Variants in PILRB observed in about 807,000 individuals in gnomAD.
The protein encoded by PILRB is paired immunoglobin like type 2 receptor beta.
PILRB carries 21 observed loss-of-function variants against 20.5 expected under a neutral mutation model. The ratio of observed to expected loss-of-function variants is 1.02; its 90% CI spans 0.72 to 1.47. The LOEUF is 1.47. PILRB is among the 40% of genes most tolerant of loss of function. The pLI, the probability that PILRB is intolerant of heterozygous loss-of-function variation, is 0.00. For missense variants in PILRB, 253 were observed against 272.1 expected, an observed-to-expected ratio of 0.93 and a Z score of 0.49; for synonymous variants, 133 against 115.1, an observed-to-expected ratio of 1.16 and a Z score of -0.99.
intron 3 of PILRB, among the ~76,000 whole-genome samples, chr7:100,361,056 C>T (rs1444686823): frequency 1.3e-5 from 2 of 152,170 alleles, no homozygotes; most frequent in Non-Finnish European, 2.9e-5. Context: ...CTGCCTCAGC[C>T]TCCTGAGTAG....
chr7:100,362,174 A>T, intron 3 of PILRB, among the ~76,000 whole-genome samples: 1 of 152,166 alleles, frequency 6.6e-6, no homozygotes. Flanking sequence ...ATAATGACCA[A>T]AGACAGAGGG....
In PILRB at chr7:100,361,971, A is replaced by T. The variant is rs550208945; in HGVS notation, c.655+2434A>T. 2.9e-3 allele frequency among the ~76,000 whole-genome samples: 435 copies of T among 152,262 alleles called. 2 individuals are homozygous for T. The highest frequency in any genetic ancestry group is 9.8e-3 in the African/African-American group (406 of 41,554). Reference sequence around the variant, plus strand: ...CTGATAAATTTAACTATATAAAAAAATTTTTGCCGGGTGCGGTGGCTCACA... The same window carrying T: ...CTGATAAATTTAACTATATAAAAAATTTTTTGCCGGGTGCGGTGGCTCACA... On this transcript the variant is annotated intron_variant, in intron 3 of 3. Coordinates refer to ENST00000609309, the MANE Select transcript of PILRB (RefSeq NM_178238.4).
chr7:100,363,923 A>G (rs1213193596), intron 3 of PILRB, among the ~76,000 whole-genome samples: 1 of 152,180 alleles, frequency 6.6e-6, no homozygotes, highest in Non-Finnish European at 1.5e-5. Flanking sequence ...AGCCTGACCA[A>G]CATGGAGAAA....
At chr7:100,362,022 T>C (rs1214035376) in intron 3 of PILRB, among the ~76,000 whole-genome samples, 1 of 151,928 alleles carries the variant, frequency 6.6e-6, no homozygotes, top group Non-Finnish European at 1.5e-5. Context: ...GAAAATCAGA[T>C]CAGGAGATCA....
At chr7:100,360,138 G>A (rs1214324170) in intron 3 of PILRB, among the ~76,000 whole-genome samples, 1 of 152,232 alleles carries the variant, frequency 6.6e-6, no homozygotes, top group African/African-American at 2.4e-5. Context: ...CTGGGGAGGG[G>A]AGGGCCTGCC....
chr7:100,367,038 A>G (rs11769057), intron 3 of PILRB, among the ~76,000 whole-genome samples: 24,293 of 151,960 alleles, frequency 0.16, 2,105 homozygotes, highest in Non-Finnish European at 0.19. Context: ...AGAAGGTGGG[A>G]TGGAGACTGC....
At chr7:100,363,425 C>T (rs751539862) in intron 3 of PILRB, among the ~76,000 whole-genome samples, 1 of 152,108 alleles carries the variant, frequency 6.6e-6, no homozygotes, top group Non-Finnish European at 1.5e-5. Flanking sequence ...ATTCCATTTA[C>T]AATAATGTCA....
intron 3 of PILRB, among the ~76,000 whole-genome samples, chr7:100,366,854 A>G (rs1369351766): frequency 6.6e-6 from 1 of 152,110 alleles, no homozygotes; most frequent in Non-Finnish European, 1.5e-5. Context: ...AACAGAGGGT[A>G]GCAAGGTTTT....
intron 3 of PILRB, among the ~76,000 whole-genome samples, chr7:100,360,720 G>A (rs1257027326): frequency 6.6e-6 from 1 of 152,154 alleles, no homozygotes; most frequent in African/African-American, 2.4e-5. Context: ...GTGAGGTGGA[G>A]AGAGGGAAAG....
At chr7:100,361,447 C>CTTGGGCTCAGCCTGCAATGCCAGCACT (rs1276294049) in intron 3 of PILRB, among the ~76,000 whole-genome samples, 4 of 152,272 alleles carry the variant, frequency 2.6e-5, no homozygotes, top group Admixed American at 2.0e-4. Flanking sequence ...ATCCCAGCAC[C>CTTGGGCTCAGCCTGCAATGCCAGCACT]TTGGGAGGCC....
chr7:100,359,752 C>T (rs529397234), intron 3 of PILRB, among the ~76,000 whole-genome samples: 41 of 152,222 alleles, frequency 2.7e-4, no homozygotes, highest in African/African-American at 5.8e-4. Context: ...AGCCTGGGCG[C>T]GGTGGCTCAT....
At chr7:100,362,710 T>G (rs117246727) in intron 3 of PILRB, among the ~76,000 whole-genome samples, 3 of 152,060 alleles carry the variant, frequency 2.0e-5, no homozygotes, top group Non-Finnish European at 4.4e-5. Context: ...GGTTTTACTA[T>G]ATTGGCCAGG....
chr7:100,358,213 A>G lies in PILRB; in HGVS notation c.-90A>G. On this transcript the variant is annotated 5_prime_UTR_variant, in exon 1 of 4. Transcript: ENST00000609309. ...AGCCTCACCCTGGCTCTCCCCACTCACCTCAGCCCTCAGGCAGCCCCTCCA... is the reference window on the plus strand; with the variant it reads ...AGCCTCACCCTGGCTCTCCCCACTCGCCTCAGCCCTCAGGCAGCCCCTCCA... 6.6e-7 allele frequency: 1 copy of G among 1,506,508 alleles called. No homozygotes were observed. The highest frequency in any genetic ancestry group is 9.2e-7 in the Non-Finnish European group (1 of 1,092,546). 93.3% of individuals were successfully genotyped at this position (1,506,508 alleles called of 1,614,324 possible).
intron 3 of PILRB, among the ~76,000 whole-genome samples, chr7:100,363,473 G>A (rs948196832): frequency 2.0e-5 from 3 of 152,198 alleles, no homozygotes; most frequent in African/African-American, 7.2e-5. Flanking sequence ...AACCTAACCA[G>A]GGAGGTGAAA....
Position 100,359,522 on chromosome 7 carries a change from TGGA to T in PILRB, c.645_647del (p.Arg217del). 1 of 1,613,366 alleles carries T rather than the reference TGGA, an allele frequency of 6.2e-7. No homozygotes were observed. On this transcript the variant is annotated inframe_deletion, in exon 3 of 4. Coordinates refer to ENST00000609309, the MANE Select transcript of PILRB (RefSeq NM_178238.4). ...ACTGCTGTGCCTCCTCCTCCTGTGG[TGGA>T]GGAGAAGGAAAGGTAAGTGCCCAGA...
At position 100,358,376 on chromosome 7, in the gene PILRB, C is replaced by T; in HGVS notation, c.64+10C>T. 6.2e-7 allele frequency: 1 copy of T among 1,611,446 alleles called. No individual in the cohort carries two copies. Among genetic ancestry groups the T allele is most frequent in the African/African-American group, 1.3e-5 (1 of 75,070 alleles). The stretch of plus-strand genomic sequence containing the variant: ...GCATTTCTGCAGCCTGGTGAGTACC[C>T]AGGACCGCCCAGGTATGGTCTCTGC... On this transcript the variant is annotated intron_variant, in intron 1 of 3. Coordinates refer to ENST00000609309, the MANE Select transcript of PILRB (RefSeq NM_178238.4).
At chr7:100,363,413 C>A (rs923957586) in intron 3 of PILRB, among the ~76,000 whole-genome samples, 2 of 152,114 alleles carry the variant, frequency 1.3e-5, no homozygotes, top group Non-Finnish European at 2.9e-5. Flanking sequence ...ATTAAGAAAA[C>A]AATTCCATTT....
At chr7:100,364,697 C>T (rs1418557344) in intron 3 of PILRB, among the ~76,000 whole-genome samples, 2 of 151,786 alleles carry the variant, frequency 1.3e-5, no homozygotes, top group African/African-American at 2.4e-5. Flanking sequence ...AATCTCACTT[C>T]TGGGCATCTA....
rs1223660531 is a variant in PILRB at position 100,365,028 on chromosome 7, C to A, written c.656-2321C>A. 2.0e-5 allele frequency among the ~76,000 whole-genome samples: 3 copies of A among 152,134 alleles called. No homozygotes were observed. The East Asian group carries it at 5.8e-4, about 29-fold the overall frequency. On this transcript the variant is annotated intron_variant, in intron 3 of 3. Coordinates refer to ENST00000609309, the MANE Select transcript of PILRB (RefSeq NM_178238.4). The stretch of plus-strand genomic sequence containing the variant: ...TTAGTTATTTATTTTGAGACAAAGT[C>A]CTGCTTTGTCACCCAGGCTGGAGTG...
Sources: allele counts gnomAD v4.1 joint callset (sites outside exome capture counted in the v4.1 genomes callset), GRCh38; gene constraint gnomAD v4.1.1; transcripts MANE v1.5; gene names NCBI Gene and HGNC (gene_info 2026-07-23, HGNC 2026-07-21).